The following SNCAIP variants were observed in gnomAD, a reference collection of about 807,000 sequenced individuals.
SNCAIP encodes synuclein alpha interacting protein.
Under a neutral mutation model 86.7 loss-of-function variants are expected in SNCAIP, and 43 were observed. The ratio of observed to expected loss-of-function variants is 0.50; its 90% confidence interval spans 0.39 to 0.64. The LOEUF (loss-of-function observed/expected upper bound fraction) is 0.64, where lower values mean the gene tolerates loss of function less well. Among genes scored for constraint, SNCAIP ranks in the 30% least tolerant of loss-of-function variants. SNCAIP has a pLI of 0.00. For synonymous variants in SNCAIP, 417 were observed against 427.2 expected, an observed-to-expected ratio of 0.98 and a Z score of 0.29; for missense variants, 981 against 1,103.1, an observed-to-expected ratio of 0.89 and a Z score of 1.57.
chr5:122,365,405 G>A (rs1430785330), intron 1 of SNCAIP, among the ~76,000 whole-genome samples: 3 of 152,194 alleles, frequency 2.0e-5, no homozygotes, highest in East Asian at 3.9e-4. Flanking sequence ...CTGGCCAGGC[G>A]TGGTGGCTCA....
At chr5:122,433,935 C>T (rs1778891176) in intron 6 of SNCAIP, among the ~76,000 whole-genome samples, 1 of 152,136 alleles carries the variant, frequency 6.6e-6, no homozygotes, top group Non-Finnish European at 1.5e-5. Flanking sequence ...GCTGCAGCTC[C>T]CAACAGCCAC....
At chr5:122,401,025 T>C (rs577029874) in intron 2 of SNCAIP, 19 of 1,550,200 alleles carry the variant, frequency 1.2e-5, no homozygotes, top group Admixed American at 2.0e-5. Flanking sequence ...AAAGCTTGGA[T>C]TGGAGGACAC....
chr5:122,406,044 T>C (rs1380842050), intron 3 of SNCAIP, among the ~76,000 whole-genome samples: 1 of 152,170 alleles, frequency 6.6e-6, no homozygotes, highest in Non-Finnish European at 1.5e-5. Context: ...TCCAATTTGA[T>C]GGACCATTTG....
intron 8 of SNCAIP, among the ~76,000 whole-genome samples, chr5:122,447,626 A>G (rs1051600881): frequency 6.6e-6 from 1 of 152,254 alleles, no homozygotes; most frequent in South Asian, 2.1e-4. Context: ...GTGACTTGCA[A>G]TACCAGCTAG....
chr5:122,400,889 C>T lies in SNCAIP; in HGVS notation c.58-2904C>T, dbSNP rs1771664347. 2.4e-6 allele frequency: 3 copies of T among 1,250,866 alleles called. No individual in the cohort carries two copies. The South Asian group carries it at 5.2e-5, about 22-fold the overall frequency. The allele number at this position is 1,250,866 out of a possible 1,614,324, so 77.5% of individuals were successfully genotyped here. A position where few individuals can be genotyped will look rare whatever the true frequency, so the allele number is the denominator to read the frequency against. Reference sequence around the variant, plus strand: ...AAAGTCTATGTTCACTGGGAATAACCTCTGGAAGACTTCTAGAAAAAGAAT... The same window carrying T: ...AAAGTCTATGTTCACTGGGAATAACTTCTGGAAGACTTCTAGAAAAAGAAT... On this transcript the variant is annotated intron_variant, in intron 2 of 10. Coordinates refer to ENST00000261368, the MANE Select transcript of SNCAIP (RefSeq NM_005460.4).
At chr5:122,407,733 A>G (rs1773295476) in intron 3 of SNCAIP, among the ~76,000 whole-genome samples, 1 of 150,578 alleles carries the variant, frequency 6.6e-6, no homozygotes, top group South Asian at 2.2e-4. Context: ...AAAAGTGAAA[A>G]ATATAAGAGT....
At chr5:122,372,750 G>A (rs1268389635) in intron 1 of SNCAIP, among the ~76,000 whole-genome samples, 1 of 151,906 alleles carries the variant, frequency 6.6e-6, no homozygotes, top group Non-Finnish European at 1.5e-5. Context: ...ATTTGCTCGT[G>A]GACATAATCC....
intron 3 of SNCAIP, among the ~76,000 whole-genome samples, chr5:122,419,551 A>T (rs575986916): frequency 9.9e-5 from 15 of 152,204 alleles, no homozygotes; most frequent in Non-Finnish European, 2.1e-4. Context: ...TTCAACCAAA[A>T]AGTCATTATG....
At chr5:122,328,310 T>G (rs1234314720) in intron 1 of SNCAIP, among the ~76,000 whole-genome samples, 2 of 152,246 alleles carry the variant, frequency 1.3e-5, no homozygotes, top group Non-Finnish European at 1.5e-5. Flanking sequence ...CTTTGTCTTC[T>G]GGCCATCAGC....
chr5:122,382,527 CCTT>C lies in SNCAIP; in HGVS notation c.-46-8556_-46-8554del, dbSNP rs756972436. Reference sequence around the variant, plus strand: ...CTCAGAGTAATTTGATCGTCTGAAGCCTTCTTCTCTCACCTCGTCAAAGTCATT... The same window carrying C: ...CTCAGAGTAATTTGATCGTCTGAAGCCTTCTCTCACCTCGTCAAAGTCATT... On this transcript the variant is annotated intron_variant, in intron 1 of 10. Coordinates refer to ENST00000261368, the MANE Select transcript of SNCAIP (RefSeq NM_005460.4). Among the ~76,000 whole-genome samples the C allele has an allele frequency of 1.7e-3, 258 of 152,324 alleles. 1 individual carries two copies. Among genetic ancestry groups the C allele is most frequent in the African/African-American group, 5.6e-3 (231 of 41,564 alleles).
intron 1 of SNCAIP, among the ~76,000 whole-genome samples, chr5:122,362,891 G>A (rs929518007): frequency 1.3e-5 from 2 of 152,232 alleles, no homozygotes; most frequent in Non-Finnish European, 2.9e-5. Context: ...GTTCCATAGG[G>A]GCTTAAGTCC....
intron 1 of SNCAIP, among the ~76,000 whole-genome samples, chr5:122,325,018 G>A (rs79274321): frequency 0.063 from 9,628 of 152,214 alleles, 330 homozygotes; most frequent in South Asian, 0.14. Flanking sequence ...CTGGCTCAGC[G>A]GCTTACTGTG....
chr5:122,429,502 C>T (rs972719789), intron 5 of SNCAIP, among the ~76,000 whole-genome samples: 1 of 148,894 alleles, frequency 6.7e-6, no homozygotes, highest in African/African-American at 2.5e-5. Flanking sequence ...AATCAGAAAT[C>T]AGAAATGTTG....
chr5:122,450,650 G>C lies in SNCAIP; in HGVS notation c.1803G>C (p.Leu601=), dbSNP rs778837128. The part of the protein sequence containing the change: ...VQEGIQVLGS[L]SASSRARPKA... The stretch of plus-strand genomic sequence containing the variant: ...AGGGGATTCAGGTTCTTGGAAGCCT[G>C]TCAGCCTCCAGCCGGGCTAGACCCA... Residue 601 remains leucine, a synonymous_variant, in exon 10 of 11, where the codon CTG becomes CTC. Coordinates refer to ENST00000261368, the MANE Select transcript of SNCAIP (RefSeq NM_005460.4). 6.2e-7 allele frequency: 1 copy of C among 1,613,990 alleles called. No homozygotes were observed. Among genetic ancestry groups the C allele is most frequent in the Non-Finnish European group, 8.5e-7 (1 of 1,179,852 alleles).
At chr5:122,366,155 AGCAAGATAAG>A (rs1180704576) in intron 1 of SNCAIP, among the ~76,000 whole-genome samples, 20 of 152,206 alleles carry the variant, frequency 1.3e-4, no homozygotes, top group Non-Finnish European at 2.8e-4. Context: ...CACCAAACTA[AGCAAGATAAG>A]GCAATCTTGA....
chr5:122,327,298 G>A (rs72789015), intron 1 of SNCAIP, among the ~76,000 whole-genome samples: 123 of 152,226 alleles, frequency 8.1e-4, no homozygotes, highest in Admixed American at 2.6e-3. Flanking sequence ...TTCCTTGGCT[G>A]CTTGCCAAAC....
intron 1 of SNCAIP, chr5:122,312,578 C>T (rs2152633058): frequency 6.6e-6 from 1 of 152,440 alleles, no homozygotes; most frequent in Non-Finnish European, 1.5e-5. Context: ...TTGTTCTTTT[C>T]ATTTGCCCGC....
intron 1 of SNCAIP, among the ~76,000 whole-genome samples, chr5:122,333,546 A>G (rs1035174891): frequency 2.0e-5 from 3 of 152,250 alleles, no homozygotes; most frequent in Non-Finnish European, 2.9e-5. Flanking sequence ...ATGCCATTAG[A>G]TGAAATAAGA....
chr5:122,367,889 AAC>A (rs935530191), intron 1 of SNCAIP, among the ~76,000 whole-genome samples: 9 of 152,096 alleles, frequency 5.9e-5, no homozygotes, highest in African/African-American at 2.2e-4. Flanking sequence ...TATACATACA[AAC>A]ACACATATAT....
Sources: gnomAD v4.1 joint callset for allele counts (sites outside exome capture counted in the v4.1 genomes callset) on GRCh38, gnomAD v4.1.1 for gene constraint, MANE v1.5 for transcripts, NCBI Gene and HGNC (gene_info 2026-07-23, HGNC 2026-07-21) for gene names.